Variants in NEDD4L observed in about 807,000 individuals in gnomAD.
NEDD4L encodes E3 ubiquitin-protein ligase NEDD4-like.
A neutral mutation model predicts 148.9 loss-of-function variants in NEDD4L; 54 were observed. The ratio of observed to expected loss-of-function variants is 0.36; its 90% confidence interval spans 0.29 to 0.45. The LOEUF is 0.45. NEDD4L is among the 20% of genes least tolerant of loss of function. NEDD4L has a pLI of 1.00. For synonymous variants in NEDD4L, 433 were observed against 440.7 expected (o/e 0.98, Z 0.22); for missense variants, 856 against 1,233.8 (o/e 0.69, Z 4.59).
rs1479692719 is a variant in NEDD4L at position 58,256,248 on chromosome 18, A to G, written c.297+4194A>G. 17 of 1,230,304 alleles carry G rather than the reference A, an allele frequency of 1.4e-5. No individual in the cohort carries two copies. Among genetic ancestry groups the G allele is most frequent in the African/African-American group, 4.7e-5 (3 of 64,348 alleles). 76.2% of individuals were successfully genotyped at this position (1,230,304 alleles called of 1,614,324 possible). A position where few individuals can be genotyped will look rare whatever the true frequency, so the allele number is the denominator to read the frequency against. On this transcript the variant is annotated intron_variant, in intron 5 of 30. Coordinates refer to ENST00000400345, the MANE Select transcript of NEDD4L (RefSeq NM_001144967.3). The surrounding 1 kb of genome is among the most constrained non-coding windows in gnomAD (Gnocchi z 5.2). ...CGCGCCTCCAGCGCCGACGTGCGCC[A>G]GGTGAGGCTGCTGCCCCTGGGCCCC...
At chr18:58,133,648 C>T (rs549301354) in intron 1 of NEDD4L, among the ~76,000 whole-genome samples, 1 of 152,268 alleles carries the variant, frequency 6.6e-6, no homozygotes, top group East Asian at 1.9e-4. Context: ...ATCATTTCCC[C>T]TCCATGCTTG....
chr18:58,345,055 A>G (rs929800595), intron 16 of NEDD4L, among the ~76,000 whole-genome samples: 1 of 152,242 alleles, frequency 6.6e-6, no homozygotes, highest in Non-Finnish European at 1.5e-5. Flanking sequence ...ACATTGCTGA[A>G]TGAAACCCAT....
At chr18:58,317,770 G>A (rs570294419) in intron 6 of NEDD4L, among the ~76,000 whole-genome samples, 2 of 152,324 alleles carry the variant, frequency 1.3e-5, no homozygotes, top group Admixed American at 6.5e-5. Context: ...GAAGCCAGCC[G>A]ATTGCAGAGG....
chr18:58,079,384 T>A (rs1254821983), intron 1 of NEDD4L, among the ~76,000 whole-genome samples: 1 of 152,186 alleles, frequency 6.6e-6, no homozygotes, highest in Non-Finnish European at 1.5e-5. Flanking sequence ...TTCATACGCT[T>A]CCTCAGTAAT....
chr18:58,183,649 A>G (rs775546567), intron 2 of NEDD4L, among the ~76,000 whole-genome samples: 1 of 152,174 alleles, frequency 6.6e-6, no homozygotes, highest in South Asian at 2.1e-4. Flanking sequence ...TGCTGCACGC[A>G]TGGGCCTGTA....
rs1161365094 is a variant in NEDD4L, at chr18:58,366,409, G to A, written c.2063+181G>A. 6.6e-6 allele frequency among the ~76,000 whole-genome samples: 1 copy of A among 152,222 alleles called. No homozygotes were observed. Among genetic ancestry groups the A allele is most frequent in the Non-Finnish European group, 1.5e-5 (1 of 68,038 alleles). On this transcript the variant is annotated intron_variant, in intron 21 of 30. Transcript: ENST00000400345. The surrounding 1 kb of genome is among the most constrained non-coding windows in gnomAD (Gnocchi z 4.2). The stretch of plus-strand genomic sequence containing the variant: ...GGTTCTGACTCTACGTGGTGAAATA[G>A]TGTACTCTGCGAACATCTAACATTG...
intron 4 of NEDD4L, 136 bp from the exon 5 acceptor site, chr18:58,251,865 G>T: frequency 1.6e-6 from 1 of 612,324 alleles, no homozygotes; most frequent in East Asian, 2.8e-5. Context: ...AGAATTCCCA[G>T]AACAGCAGGA....
At chr18:58,263,871 G>A (rs879667960) in intron 5 of NEDD4L, among the ~76,000 whole-genome samples, 33 of 149,654 alleles carry the variant, frequency 2.2e-4, no homozygotes, top group Non-Finnish European at 4.2e-4. Flanking sequence ...GAGGTCTTCT[G>A]GCTAGGAGTT....
At chr18:58,138,857 A>G (rs1239916994) in intron 1 of NEDD4L, among the ~76,000 whole-genome samples, 1 of 152,242 alleles carries the variant, frequency 6.6e-6, no homozygotes, top group African/African-American at 2.4e-5. Context: ...CAATACCGCC[A>G]TCTTGGGGAT....
At chr18:58,344,426 C>T (rs1273171399) in intron 16 of NEDD4L, among the ~76,000 whole-genome samples, 3 of 152,170 alleles carry the variant, frequency 2.0e-5, no homozygotes, top group African/African-American at 7.2e-5. Flanking sequence ...TAATGGTCAC[C>T]ATTACCCCCA....
chr18:58,246,888 T>C (rs1360030214), intron 3 of NEDD4L, among the ~76,000 whole-genome samples: 1 of 152,212 alleles, frequency 6.6e-6, no homozygotes, highest in Non-Finnish European at 1.5e-5. Flanking sequence ...CTATTAAAAA[T>C]ACTTGGCTGC....
At chr18:58,388,205 G>C (rs1273017279) in intron 27 of NEDD4L, 4 of 152,284 alleles carry the variant, frequency 2.6e-5, no homozygotes, top group Non-Finnish European at 4.4e-5. Context: ...ACTGTCTGTT[G>C]AGAAGCCGTT....
intron 8 of NEDD4L, among the ~76,000 whole-genome samples, chr18:58,324,025 A>G (rs1252364252): frequency 6.6e-6 from 1 of 152,220 alleles, no homozygotes; most frequent in Non-Finnish European, 1.5e-5. Flanking sequence ...TGATATGTGA[A>G]TAATGTGTGT....
rs558446735 is a variant in NEDD4L at position 58,209,827 on chromosome 18, C to G, written c.123-35600C>G. 4.4e-4 allele frequency among the ~76,000 whole-genome samples: 67 copies of G among 152,198 alleles called. 2 individuals carry two copies. The highest frequency in any genetic ancestry group is 6.8e-3 in the Middle Eastern group (2 of 294). On this transcript the variant is annotated intron_variant, in intron 2 of 30. Coordinates refer to ENST00000400345, the MANE Select transcript of NEDD4L (RefSeq NM_001144967.3). ...GACCAATAAAGTAAACTCTCATTAT[C>G]CTAACTCAGGAACAGAAAGAAATCA...
intron 1 of NEDD4L, among the ~76,000 whole-genome samples, chr18:58,062,649 G>T (rs1042373093): frequency 1.3e-5 from 2 of 152,078 alleles, no homozygotes; most frequent in African/African-American, 4.8e-5. Flanking sequence ...GTTCATATTC[G>T]CATGTGTGGA....
chr18:58,271,897 C>T (rs963408579), intron 5 of NEDD4L, among the ~76,000 whole-genome samples: 2 of 152,128 alleles, frequency 1.3e-5, no homozygotes, highest in African/African-American at 4.8e-5. Flanking sequence ...CTCTGAATTT[C>T]AGGAGTCTAT....
At chr18:58,278,280 C>T (rs79674974) in intron 5 of NEDD4L, among the ~76,000 whole-genome samples, 2,786 of 152,246 alleles carry the variant, frequency 0.018, 39 homozygotes, top group Non-Finnish European at 0.023. Flanking sequence ...GCATGGCCAG[C>T]GCTATCTGAA....
chr18:58,193,916 G>C (rs2040384627), intron 2 of NEDD4L: 1 of 152,240 alleles, frequency 6.6e-6, no homozygotes, highest in South Asian at 2.1e-4. Flanking sequence ...CCTGCCCCAT[G>C]GTTTTCAGTA....
rs158858 is a variant in NEDD4L, at chr18:58,241,406, T to A, written c.123-4021T>A. On this transcript the variant is annotated intron_variant, in intron 2 of 30. Transcript: ENST00000400345. ...AGCCATGCCAGACTTTTTAATGTTC[T>A]GAACCCCAGCTCCAGCCTATCACTG... Among the ~76,000 whole-genome samples the A allele has an allele frequency of 3.8e-3, 584 of 152,072 alleles. 2 individuals are homozygous for A. Among genetic ancestry groups the A allele is most frequent in the African/African-American group, 0.012 (503 of 41,472 alleles).
Sources: allele counts gnomAD v4.1 joint callset (sites outside exome capture counted in the v4.1 genomes callset), GRCh38; gene constraint gnomAD v4.1.1; non-coding constraint Gnocchi (gnomAD v3.1); transcripts MANE v1.5; gene names NCBI Gene and HGNC (gene_info 2026-07-23, HGNC 2026-07-21).